Variants in ABCA6 observed in about 807,000 individuals in gnomAD.
ABCA6 encodes the protein ATP-binding cassette sub-family A member 6.
In ABCA6, 164 loss-of-function variants were observed where a neutral mutation model predicts 191.2. That is an observed-to-expected ratio of 0.86 (90% CI 0.76 to 0.98). The LOEUF (loss-of-function observed/expected upper bound fraction) is 0.98, where lower values mean the gene tolerates loss of function less well. Ranked by LOEUF, ABCA6 falls within the 50% of genes least tolerant of loss-of-function variation. ABCA6 has a pLI of 0.00. For synonymous variants in ABCA6, 636 were observed against 647.7 expected (o/e 0.98, Z 0.27); for missense variants, 1,958 against 1,894.1 (o/e 1.03, Z -0.63).
intron 21 of ABCA6, among the ~76,000 whole-genome samples, chr17:69,101,365 C>T (rs141212693): frequency 6.6e-6 from 1 of 152,088 alleles, no homozygotes; most frequent in Non-Finnish European, 1.5e-5. Context: ...GAGGCCAAGG[C>T]GGGCAGATCA....
chr17:69,125,556 G>T (rs539455821), intron 8 of ABCA6, among the ~76,000 whole-genome samples: 23 of 152,054 alleles, frequency 1.5e-4, no homozygotes, highest in African/African-American at 5.3e-4. Flanking sequence ...AAGCAATAAG[G>T]CTTATAAAAA....
Position 69,136,188 on chromosome 17 carries a change from G to A in ABCA6, c.364C>T (p.Pro122Ser). The change falls in exon 4 of 39, where the codon CCA (proline) becomes TCA (serine). Residue 122 changes from proline (P) to serine (S), a missense_variant. By Grantham distance (74) the Pro-to-Ser change is moderately conservative. Transcript: ENST00000284425. ...TTAAAGATGATTCCCATAGCATATG[G>A]TAAATTTTCCAGAAGTATTTCGTCC... is the stretch of plus-strand genomic sequence containing the variant. ...HMDEILLENL[P>S]YAMGIIFNET... 6.2e-7 allele frequency: 1 copy of A among 1,600,742 alleles called. No homozygotes were observed. The highest frequency in any genetic ancestry group is 8.5e-7 in the Non-Finnish European group (1 of 1,172,678).
intron 17 of ABCA6, 54 bp from the exon 18 acceptor site, chr17:69,107,866 C>T: frequency 1.0e-6 from 1 of 985,396 alleles, no homozygotes; most frequent in Non-Finnish European, 1.6e-6. Context: ...GAGAACTAAA[C>T]CAAGTAAATT....
intron 34 of ABCA6, 95 bp from the exon 35 acceptor site, chr17:69,083,426 ATGC>A: frequency 7.8e-7 from 1 of 1,282,992 alleles, no homozygotes. Flanking sequence ...TCAGATCCTA[ATGC>A]AAAAAAATAG....
chr17:69,088,481 A>G (rs927525115), intron 27 of ABCA6, among the ~76,000 whole-genome samples: 2 of 152,108 alleles, frequency 1.3e-5, no homozygotes, highest in African/African-American at 4.8e-5. Context: ...TATCTACTCT[A>G]TCTTCAAAAT....
intron 21 of ABCA6, among the ~76,000 whole-genome samples, chr17:69,102,513 T>A (rs998216929): frequency 1.3e-5 from 2 of 152,194 alleles, no homozygotes; most frequent in Non-Finnish European, 2.9e-5. Context: ...ACAAACTTTA[T>A]TCAGGTAGTT....
chr17:69,084,820 T>C (rs1338241569), intron 32 of ABCA6, among the ~76,000 whole-genome samples: 1 of 152,172 alleles, frequency 6.6e-6, no homozygotes, highest in Non-Finnish European at 1.5e-5. Flanking sequence ...ACTTATTCCT[T>C]GTCAATTATT....
At chr17:69,107,653 C>A in intron 18 of ABCA6, 43 bp downstream of exon 18, 2 of 1,260,882 alleles carry the variant, frequency 1.6e-6, no homozygotes, top group South Asian at 1.3e-5. Context: ...GACACATGAT[C>A]ATTTGGGAAT....
chr17:69,117,919 C>G lies in ABCA6; in HGVS notation c.1474G>C (p.Gly492Arg). 1 of 1,582,502 alleles carries G rather than the reference C, an allele frequency of 6.3e-7. No individual in the cohort carries two copies. ...NVKKEYKGKS[G>R]KVEALKGLLF... Reference sequence around the variant, plus strand: ...TTACCTTTCAATGCTTCCACTTTTCCAGATTTTCCTTTATATTCCTTCTTA... The same window carrying G: ...TTACCTTTCAATGCTTCCACTTTTCGAGATTTTCCTTTATATTCCTTCTTA... The change falls in exon 11 of 39, where the codon GGA (glycine) becomes CGA (arginine). Residue 492 changes from glycine to arginine, a missense_variant. Transcript: ENST00000284425.
At chr17:69,137,171 T>C (rs2073962436) in intron 3 of ABCA6, 125 bp downstream of exon 3, 2 of 883,092 alleles carry the variant, frequency 2.3e-6, no homozygotes, top group African/African-American at 1.7e-5. Context: ...CAGATTTGTA[T>C]GCTATTTTAG....
intron 3 of ABCA6, among the ~76,000 whole-genome samples, chr17:69,136,612 G>C (rs954162032): frequency 6.6e-6 from 1 of 152,160 alleles, no homozygotes; most frequent in Non-Finnish European, 1.5e-5. Context: ...ATTTACTGAA[G>C]CAAAGACAAT....
At chr17:69,088,761 G>C (rs2072862268) in intron 27 of ABCA6, among the ~76,000 whole-genome samples, 1 of 152,114 alleles carries the variant, frequency 6.6e-6, no homozygotes, top group Non-Finnish European at 1.5e-5. Context: ...AGATTACCCT[G>C]TGTGACCCTT....
At chr17:69,104,572 T>G (rs2073249008) in intron 20 of ABCA6, 2 of 151,976 alleles carry the variant, frequency 1.3e-5, no homozygotes, top group South Asian at 4.2e-4. Flanking sequence ...GTGATTTTTT[T>G]TTTGTTTCTT....
intron 5 of ABCA6, among the ~76,000 whole-genome samples, chr17:69,134,107 A>T (rs1014992811): frequency 2.2e-4 from 33 of 152,264 alleles, no homozygotes; most frequent in African/African-American, 7.9e-4. Flanking sequence ...AACCAATAAA[A>T]TTGGTTTTAA....
intron 21 of ABCA6, among the ~76,000 whole-genome samples, chr17:69,101,809 G>A (rs1325174775): frequency 6.6e-6 from 1 of 152,150 alleles, no homozygotes; most frequent in Non-Finnish European, 1.5e-5. Context: ...ACTAGTTCAT[G>A]TAGTAAATAT....
At chr17:69,111,102 A>G (rs1460367557) in intron 16 of ABCA6, 162 bp from the exon 17 acceptor site, 5 of 583,922 alleles carry the variant, frequency 8.6e-6, no homozygotes, top group Non-Finnish European at 1.4e-5. Context: ...CAGTTTGAAA[A>G]TTTTATAATC....
chr17:69,101,869 C>A (rs2144649147), intron 21 of ABCA6, among the ~76,000 whole-genome samples: 1 of 152,266 alleles, frequency 6.6e-6, no homozygotes, highest in Non-Finnish European at 1.5e-5. Flanking sequence ...AAAACTGGCA[C>A]AAAGCGATTA....
chr17:69,134,886 G>GCCTTTTTT, intron 4 of ABCA6, 144 bp from the exon 5 acceptor site: 3 of 127,064 alleles, frequency 2.4e-5, no homozygotes, highest in Non-Finnish European at 3.7e-5. Context: ...TGTTGTGGTT[G>GCCTTTTTT]TCTTTTTTTT....
chr17:69,106,593 G>GAAAA lies in ABCA6; in HGVS notation c.2390-386_2390-383dup, dbSNP rs57384424. ...AGGAGACAGAGCAAGACTCCATCTC[G>GAAAA]AAAAAAAAAAAAAAAAAAAGTTTTA... is the stretch of plus-strand genomic sequence containing the variant. On this transcript the variant is annotated intron_variant, in intron 18 of 38. Coordinates refer to ENST00000284425, the MANE Select transcript of ABCA6 (RefSeq NM_080284.3). 7.2e-4 allele frequency among the ~76,000 whole-genome samples: 74 copies of GAAAA among 102,092 alleles called. 1 individual carries two copies. Among genetic ancestry groups the GAAAA allele is most frequent in the African/African-American group, 2.7e-3 (68 of 25,384 alleles). 67.0% of individuals were successfully genotyped at this position (102,092 alleles called of 152,430 possible).
Sources: allele counts gnomAD v4.1 joint callset (sites outside exome capture counted in the v4.1 genomes callset), GRCh38; gene constraint gnomAD v4.1.1; transcripts MANE v1.5; gene names NCBI Gene and HGNC (gene_info 2026-07-23, HGNC 2026-07-21).